Variants in KSR2 observed in about 807,000 individuals in gnomAD.
KSR2 encodes kinase suppressor of ras 2.
KSR2 carries 25 observed loss-of-function variants against 107.8 expected under a neutral mutation model. That is an observed-to-expected ratio of 0.23 (90% CI 0.17 to 0.32). KSR2 has a LOEUF of 0.32. Ranked by LOEUF, KSR2 falls within the 10% of genes least tolerant of loss-of-function variation. The pLI is 1.00. For synonymous variants in KSR2, 480 were observed against 507.0 expected (o/e 0.95, Z 0.71); for missense variants, 887 against 1,268.9 (o/e 0.70, Z 4.57).
intron 14 of KSR2, among the ~76,000 whole-genome samples, chr12:117,508,612 T>G (rs1245879432): frequency 6.6e-6 from 1 of 151,420 alleles, no homozygotes; most frequent in Non-Finnish European, 1.5e-5. Context: ...AATGGATGGG[T>G]GGATGGCTAG....
intron 3 of KSR2, among the ~76,000 whole-genome samples, chr12:117,769,881 C>T (rs1889374298): frequency 6.6e-6 from 1 of 152,024 alleles, no homozygotes; most frequent in Non-Finnish European, 1.5e-5. Flanking sequence ...TGGTGAAACT[C>T]CATCTCTACT....
At chr12:117,796,361 C>G (rs1890629218) in intron 3 of KSR2, among the ~76,000 whole-genome samples, 1 of 152,074 alleles carries the variant, frequency 6.6e-6, no homozygotes, top group Non-Finnish European at 1.5e-5. Context: ...ATGGTGAGGA[C>G]TAAACGAAAT....
intron 9 of KSR2, among the ~76,000 whole-genome samples, chr12:117,541,615 A>G: frequency 6.6e-6 from 1 of 152,174 alleles, no homozygotes; most frequent in East Asian, 1.9e-4. Flanking sequence ...TCAGAGGTCC[A>G]CTACTCATAT....
intron 14 of KSR2, among the ~76,000 whole-genome samples, chr12:117,501,769 C>G (rs1873391445): frequency 6.6e-6 from 1 of 152,210 alleles, no homozygotes; most frequent in South Asian, 2.1e-4. Context: ...CTACCCGCTG[C>G]CACCCATCAG....
rs79384280 is a variant in KSR2 at position 117,757,982 on chromosome 12, T to C, written c.986+3029A>G. Among the ~76,000 whole-genome samples, 1,319 of 152,304 alleles carry C rather than the reference T, an allele frequency of 8.7e-3. 16 individuals are homozygous for C. Among genetic ancestry groups the C allele is most frequent in the African/African-American group, 0.03 (1,246 of 41,556 alleles). On this transcript the variant is annotated intron_variant, in intron 4 of 19. Transcript: ENST00000339824. ...ACACTAAAACGCTTACCAGATGCAA[T>C]GTGTTCCAATATACTCTAGTCTAGG...
At chr12:117,606,298 C>G (rs1881225405) in intron 5 of KSR2, among the ~76,000 whole-genome samples, 1 of 139,984 alleles carries the variant, frequency 7.1e-6, no homozygotes. Context: ...CTTCCCTTCC[C>G]TTTCTTCTTC....
chr12:117,651,012 T>C (rs1883882579), intron 5 of KSR2, among the ~76,000 whole-genome samples: 1 of 152,110 alleles, frequency 6.6e-6, no homozygotes, highest in South Asian at 2.1e-4. Flanking sequence ...AGTGAGGGCA[T>C]TGATTAGAAA....
intron 1 of KSR2, among the ~76,000 whole-genome samples, chr12:117,881,570 C>T (rs908271229): frequency 7.2e-5 from 11 of 152,360 alleles, no homozygotes; most frequent in Non-Finnish European, 7.3e-5. Flanking sequence ...CCCCATTTTG[C>T]TCAGGCTCTT....
chr12:117,819,375 C>T (rs192142311), intron 3 of KSR2, among the ~76,000 whole-genome samples: 48 of 152,328 alleles, frequency 3.2e-4, no homozygotes, highest in Non-Finnish European at 6.0e-4. Flanking sequence ...CCCTAGAGGG[C>T]GTCGTAGGTG....
At chr12:117,886,755 C>A (rs184477616) in intron 1 of KSR2, among the ~76,000 whole-genome samples, 218 of 152,148 alleles carry the variant, frequency 1.4e-3, no homozygotes, top group Middle Eastern at 6.8e-3. Flanking sequence ...GACATCTATA[C>A]ATAACAATAT....
chr12:117,715,708 T>C (rs979300902), intron 4 of KSR2, among the ~76,000 whole-genome samples: 2 of 152,202 alleles, frequency 1.3e-5, no homozygotes, highest in African/African-American at 2.4e-5. Context: ...CATACGAAAA[T>C]AGCCACAGAC....
intron 4 of KSR2, among the ~76,000 whole-genome samples, chr12:117,732,877 G>A (rs1359388030): frequency 6.6e-6 from 1 of 152,252 alleles, no homozygotes; most frequent in Middle Eastern, 3.4e-3. Context: ...AGGAGGCCAT[G>A]AGAGGAGATG....
chr12:117,754,319 G>C (rs1207096103), intron 4 of KSR2, among the ~76,000 whole-genome samples: 1 of 152,096 alleles, frequency 6.6e-6, no homozygotes. Flanking sequence ...GTGCCTGAGA[G>C]CACCAAGGAT....
chr12:117,700,922 TC>T (rs1241143932), intron 4 of KSR2, among the ~76,000 whole-genome samples: 2 of 152,176 alleles, frequency 1.3e-5, no homozygotes, highest in African/African-American at 4.8e-5. Flanking sequence ...CCTAAGTATT[TC>T]TATCCATTTC....
chr12:117,941,585 T>C (rs554924386), intron 1 of KSR2, among the ~76,000 whole-genome samples: 34 of 151,280 alleles, frequency 2.2e-4, no homozygotes, highest in Non-Finnish European at 4.1e-4. Context: ...CAGTTGTCAT[T>C]CCTGAAGCTA....
At chr12:117,612,065 T>C (rs2136318891) in intron 5 of KSR2, among the ~76,000 whole-genome samples, 1 of 152,234 alleles carries the variant, frequency 6.6e-6, no homozygotes, top group East Asian at 1.9e-4. Flanking sequence ...CACAACAATG[T>C]GAATGTACTT....
intron 3 of KSR2, among the ~76,000 whole-genome samples, chr12:117,794,628 ACACACAC>A (rs1890549366): frequency 6.8e-6 from 1 of 146,950 alleles, no homozygotes; most frequent in African/African-American, 2.5e-5. Context: ...CACCATACAC[ACACACAC>A]CAATATGCAC....
At chr12:117,551,138 T>C (rs12315536) in intron 9 of KSR2, among the ~76,000 whole-genome samples, 28,761 of 152,122 alleles carry the variant, frequency 0.19, 3,666 homozygotes, top group African/African-American at 0.36. Flanking sequence ...AGTACAAGGG[T>C]TGTAGCTTGG....
At chr12:117,604,524 A>G (rs2136298536) in intron 5 of KSR2, among the ~76,000 whole-genome samples, 1 of 152,318 alleles carries the variant, frequency 6.6e-6, no homozygotes, top group Non-Finnish European at 1.5e-5. Flanking sequence ...GTCCTAGAGC[A>G]AGGGTAAGAA....
Sources: gnomAD v4.1 joint callset for allele counts (sites outside exome capture counted in the v4.1 genomes callset) on GRCh38, gnomAD v4.1.1 for gene constraint, MANE v1.5 for transcripts, NCBI Gene and HGNC (gene_info 2026-07-23, HGNC 2026-07-21) for gene names.